The following SCNN1D variants were observed in gnomAD, a reference collection of about 807,000 sequenced individuals.
The protein encoded by SCNN1D is sodium channel epithelial 1 subunit delta.
Under a neutral mutation model 87.8 loss-of-function variants are expected in SCNN1D, and 104 were observed. The ratio of observed to expected loss-of-function variants is 1.18; its 90% confidence interval spans 1.01 to 1.39. The LOEUF (loss-of-function observed/expected upper bound fraction) is 1.39, where lower values mean the gene tolerates loss of function less well. Ranked by LOEUF, SCNN1D falls within the 40% of genes most tolerant of loss-of-function variation. The probability of loss-of-function intolerance (pLI) is 0.00; values close to 1 mark genes in which losing one functional copy is unlikely to be tolerated. For synonymous variants in SCNN1D, 628 were observed against 481.2 expected, an observed-to-expected ratio of 1.31 and a Z score of -3.99; for missense variants, 1,324 against 1,093.9, an observed-to-expected ratio of 1.21 and a Z score of -2.97.
chr1:1,284,808 G>T (rs187479887), intron 5 of SCNN1D, among the ~76,000 whole-genome samples: 1 of 152,078 alleles, frequency 6.6e-6, no homozygotes, highest in Admixed American at 6.5e-5. Context: ...TCACACACAC[G>T]CGCACATGCA....
At chr1:1,290,442 G>A (rs1268204853) in intron 13 of SCNN1D, 35 bp from the exon 14 acceptor site, 3 of 1,611,948 alleles carry the variant, frequency 1.9e-6, no homozygotes, top group Non-Finnish European at 1.7e-6. Flanking sequence ...GGGGGTCACA[G>A]CGAGCCTCAC....
In SCNN1D at chr1:1,288,138, G is replaced by A. The variant is rs546911320; in HGVS notation, c.1662+101G>A. ...GGAGGGGTCTGGGAGAGTACTAGAG[G>A]GCCTGGGAACGGGGCAGTCCCCGTG... is the stretch of plus-strand genomic sequence containing the variant. On this transcript the variant is annotated intron_variant, in intron 12 of 17. Transcript: ENST00000379116. 25 of 896,788 alleles carry A rather than the reference G, an allele frequency of 2.8e-5. No individual in the cohort carries two copies. The African/African-American group carries it at 3.6e-4, about 13-fold the overall frequency. 55.6% of individuals were successfully genotyped at this position (896,788 alleles called of 1,614,324 possible).
At chr1:1,281,916 G>A in intron 3 of SCNN1D, 1 of 564,008 alleles carries the variant, frequency 1.8e-6, no homozygotes, top group South Asian at 2.2e-5. Flanking sequence ...GGAGGCACAG[G>A]CTGCTTCCAG....
rs777109657 is a variant in SCNN1D at position 1,287,294 on chromosome 1, G to T, written c.1305G>T (p.Gln435His). The T allele has an allele frequency of 6.3e-7, 1 of 1,590,256 alleles. No individual in the cohort carries two copies. Among genetic ancestry groups the T allele is most frequent in the East Asian group, 2.3e-5 (1 of 44,286 alleles). The change falls in exon 9 of 18, where the codon CAG (glutamine) becomes CAT (histidine). Residue 435 changes from glutamine to histidine, a missense_variant. Coordinates refer to ENST00000379116, the MANE Select transcript of SCNN1D (RefSeq NM_001130413.4). Reference protein sequence around the residue: ...LSCSYDGLDCQARQFRTFHHP... With the variant: ...LSCSYDGLDCHARQFRTFHHP... ...GCAGTTACGATGGCCTGGACTGCCAGGCCCGGTGAGTGTGGCGGGCGGGGG... is the reference window on the plus strand; with the variant it reads ...GCAGTTACGATGGCCTGGACTGCCATGCCCGGTGAGTGTGGCGGGCGGGGG...
At chr1:1,287,431 A>G in intron 9 of SCNN1D, 77 bp from the exon 10 acceptor site, 1 of 1,487,774 alleles carries the variant, frequency 6.7e-7, no homozygotes, top group Non-Finnish European at 9.0e-7. Context: ...GACACAGGGC[A>G]GGCCATGGCC....
intron 7 of SCNN1D, 48 bp downstream of exon 7, chr1:1,286,326 G>T: frequency 7.0e-7 from 1 of 1,428,418 alleles, no homozygotes; most frequent in African/African-American, 1.4e-5. Flanking sequence ...CCAGCTCCTT[G>T]CCCCTGTGAC....
Position 1,290,459 on chromosome 1 carries a change from C to G in SCNN1D, c.1781-18C>G, listed in dbSNP as rs1391789430. The G allele has an allele frequency of 6.2e-7, 1 of 1,612,586 alleles. No homozygotes were observed. The highest frequency in any genetic ancestry group is 8.5e-7 in the Non-Finnish European group (1 of 1,179,844). ...GGGTCACAGCGAGCCTCACACATGCCTCTGACCCCTCCCCAAGGACACTGC... is the reference window on the plus strand; with the variant it reads ...GGGTCACAGCGAGCCTCACACATGCGTCTGACCCCTCCCCAAGGACACTGC... On this transcript the variant is annotated intron_variant, in intron 13 of 17. Transcript: ENST00000379116.
Position 1,287,988 on chromosome 1 carries a change from G to A in SCNN1D, c.1613G>A (p.Gly538Glu), listed in dbSNP as rs1640641828. Residue 538 changes from glycine (G) to glutamate (E), a missense_variant, in exon 12 of 18, where the codon GGG (glycine) becomes GAG (glutamate). Coordinates refer to ENST00000379116, the MANE Select transcript of SCNN1D (RefSeq NM_001130413.4). ...GSPYGHCTAG[G>E]EGVEVELLHN... ...CCCTACGGCCACTGCACCGCCGGCG[G>A]GGAAGGCGTGGAGGTGGAGCTGCTA... is the stretch of plus-strand genomic sequence containing the variant. The A allele has an allele frequency of 1.3e-6, 2 of 1,546,486 alleles. No individual in the cohort carries two copies. Among genetic ancestry groups the A allele is most frequent in the South Asian group, 2.4e-5 (2 of 83,778 alleles).
chr1:1,284,280 G>T (rs1382704645), intron 5 of SCNN1D, among the ~76,000 whole-genome samples, 190 bp downstream of exon 5: 1 of 97,256 alleles, frequency 1.0e-5, no homozygotes, highest in Non-Finnish European at 2.1e-5. Context: ...GGGGGGACCC[G>T]CCTCGAGGTA....
Position 1,281,612 on chromosome 1 carries a change from T to TG in SCNN1D, c.277+3dup, listed in dbSNP as rs1340586219. 6.5e-7 allele frequency: 1 copy of TG among 1,534,400 alleles called. No homozygotes were observed. The highest frequency in any genetic ancestry group is 8.7e-7 in the Non-Finnish European group (1 of 1,146,198). On this transcript the variant is annotated splice_region_variant and intron_variant, in intron 3 of 17. Coordinates refer to ENST00000379116, the MANE Select transcript of SCNN1D (RefSeq NM_001130413.4). ...GCCCGATACAGGGGTGTGGGACAGG[T>TG]GACTGAACCTCAGCCCTTAGAGGCC... is the stretch of plus-strand genomic sequence containing the variant.
chr1:1,290,513 C>T lies in SCNN1D; in HGVS notation c.1817C>T (p.Thr606Ile), dbSNP rs1640770250. ...TACCGCCTCTACCAGGACCTGGAGA[C>T]CCACCGGCTCCCCTGTACCTCCCGC... ...CFYRLYQDLE[T>I]HRLPCTSRCP... The change falls in exon 14 of 18, where the codon ACC becomes ATC. Residue 606 changes from threonine (T) to isoleucine (I), a missense_variant. Thr to Ile is a moderately conservative substitution (Grantham distance 89). Coordinates refer to ENST00000379116, the MANE Select transcript of SCNN1D (RefSeq NM_001130413.4). 6.2e-7 allele frequency: 1 copy of T among 1,612,678 alleles called. No individual in the cohort carries two copies. Among genetic ancestry groups the T allele is most frequent in the Non-Finnish European group, 8.5e-7 (1 of 1,179,920 alleles).
In SCNN1D at chr1:1,280,673, C is replaced by A. The variant is rs1640451952; in HGVS notation, c.5+7C>A. 1 of 701,618 alleles carries A rather than the reference C, an allele frequency of 1.4e-6. No individual in the cohort carries two copies. The highest frequency in any genetic ancestry group is 1.7e-5 in the African/African-American group (1 of 57,222). The allele number at this position is 701,618 out of a possible 1,614,324, so 43.5% of individuals were successfully genotyped here. ...AGCAGGGAGGAGGCATGAGGTGCGT[C>A]CGACTCCCTTCCCATCACAGCTGAG... is the stretch of plus-strand genomic sequence containing the variant. On this transcript the variant is annotated splice_region_variant and intron_variant, in intron 1 of 17. Transcript: ENST00000379116.
intron 11 of SCNN1D, 51 bp downstream of exon 11, chr1:1,287,887 G>A (rs1640637673): frequency 6.6e-7 from 1 of 1,518,242 alleles, no homozygotes; most frequent in Non-Finnish European, 8.9e-7. Flanking sequence ...TGCCCAACCT[G>A]GGCTTTGGGG....
intron 7 of SCNN1D, 133 bp from the exon 8 acceptor site, chr1:1,286,635 C>A: frequency 1.2e-6 from 1 of 868,498 alleles, no homozygotes; most frequent in Non-Finnish European, 1.8e-6. Flanking sequence ...CCAACTCCAG[C>A]TCTGGGTCCA....
intron 5 of SCNN1D, 87 bp from the exon 6 acceptor site, chr1:1,285,484 A>G: frequency 1.1e-6 from 1 of 913,282 alleles, no homozygotes; most frequent in Non-Finnish European, 1.6e-6. Flanking sequence ...GGGTGCAGCC[A>G]TCAGGGGCAA....
intron 3 of SCNN1D, 157 bp from the exon 4 acceptor site, chr1:1,282,085 G>C (rs1640481465): frequency 1.6e-6 from 1 of 623,000 alleles, no homozygotes; most frequent in East Asian, 2.8e-5. Flanking sequence ...CGGGGGCCCT[G>C]CCGCTGACCT....
Position 1,290,925 on chromosome 1 carries a change from G to A in SCNN1D, c.1948G>A (p.Gly650Arg). The A allele has an allele frequency of 6.2e-7, 1 of 1,610,130 alleles. No individual in the cohort carries two copies. Among genetic ancestry groups the A allele is most frequent in the Non-Finnish European group, 8.5e-7 (1 of 1,178,892 alleles). ...GWTLATLGEQ[G>R]LPHQSHRQRS... ...GACTCTGGCCACGCTAGGTGAACAGGGGCTGCCGCATCAGAGCCACAGACA... is the reference window on the plus strand; with the variant it reads ...GACTCTGGCCACGCTAGGTGAACAGAGGCTGCCGCATCAGAGCCACAGACA... The change falls in exon 16 of 18, where the codon GGG (glycine) becomes AGG (arginine). Residue 650 changes from glycine to arginine, a missense_variant. Physicochemically the swap from Gly to Arg is moderately radical, Grantham distance 125. Transcript: ENST00000379116.
Position 1,290,567 on chromosome 1 carries a change from G to A in SCNN1D, c.1859+12G>A, listed in dbSNP as rs766041565. On this transcript the variant is annotated intron_variant, in intron 14 of 17. Coordinates refer to ENST00000379116, the MANE Select transcript of SCNN1D (RefSeq NM_001130413.4). ...CCCAGGCCCTGCAGGTGAGACGGGG[G>A]TGTTGGGGTCGCGGCCAGGGATCAT... 21 of 1,612,520 alleles carry A rather than the reference G, an allele frequency of 1.3e-5. No homozygotes were observed. Among genetic ancestry groups the A allele is most frequent in the Non-Finnish European group, 1.7e-5 (20 of 1,179,902 alleles).
chr1:1,290,859 G>A, intron 15 of SCNN1D, 36 bp from the exon 16 acceptor site: 1 of 1,605,958 alleles, frequency 6.2e-7, no homozygotes. Context: ...CGGGGGCATG[G>A]GGGAGCCGTG....
Sources: allele counts gnomAD v4.1 joint callset (sites outside exome capture counted in the v4.1 genomes callset), GRCh38; gene constraint gnomAD v4.1.1; transcripts MANE v1.5; gene names NCBI Gene and HGNC (gene_info 2026-07-23, HGNC 2026-07-21).